Variants in NIBAN3 observed in about 807,000 individuals in gnomAD.
NIBAN3 encodes the protein protein Niban 3.
NIBAN3 carries 66 observed loss-of-function variants against 76.4 expected under a neutral mutation model. The observed-to-expected ratio is 0.86, with a 90% CI of 0.71 to 1.06. The LOEUF (loss-of-function observed/expected upper bound fraction) is 1.06, where lower values mean the gene tolerates loss of function less well. Ranked by LOEUF, NIBAN3 falls within the 50% of genes least tolerant of loss-of-function variation. NIBAN3 has a pLI of 0.00. For synonymous variants in NIBAN3, 360 were observed against 355.2 expected (o/e 1.01, Z -0.15); for missense variants, 808 against 810.7 (o/e 1.00, Z 0.04).
At chr19:17,533,001 C>T (rs551341659) in intron 3 of NIBAN3, among the ~76,000 whole-genome samples, 17 of 152,144 alleles carry the variant, frequency 1.1e-4, no homozygotes, top group African/African-American at 3.6e-4. Flanking sequence ...AGCCGGGCCT[C>T]GTGGCTCACG....
At chr19:17,536,274 T>C (rs1304995247) in intron 4 of NIBAN3, among the ~76,000 whole-genome samples, 1 of 152,148 alleles carries the variant, frequency 6.6e-6, no homozygotes, top group African/African-American at 2.4e-5. Flanking sequence ...CACTGCAACC[T>C]CCGCCTCCCA....
chr19:17,527,095 T>G, upstream of NIBAN3: 1 of 902,660 alleles, frequency 1.1e-6, no homozygotes. Context: ...ATGATTTTCT[T>G]TCTCCCACAC....
chr19:17,543,428 C>A lies in NIBAN3; in HGVS notation c.1441C>A (p.Leu481Met). ...QRLERVRGRV[L>M]KKFKSDSGLA... ...GCTGGAGAGAGTCAGGGGGCGCGTG[C>A]TGAAGGTGTGTTCTGTGGGTACGGG... The change falls in exon 11 of 15, where the codon CTG becomes ATG. Residue 481 changes from leucine to methionine, a missense_variant. Coordinates refer to ENST00000599164, the MANE Select transcript of NIBAN3 (RefSeq NM_001321827.2). 1.2e-6 allele frequency: 2 copies of A among 1,613,488 alleles called. No homozygotes were observed. The highest frequency in any genetic ancestry group is 1.7e-6 in the Non-Finnish European group (2 of 1,179,490).
chr19:17,553,204 T>C lies in NIBAN3; in HGVS notation c.*1306T>C. 1 of 1,483,180 alleles carries C rather than the reference T, an allele frequency of 6.7e-7. No individual in the cohort carries two copies. The highest frequency in any genetic ancestry group is 9.0e-7 in the Non-Finnish European group (1 of 1,112,044). The allele number at this position is 1,483,180 out of a possible 1,614,324, so 91.9% of individuals were successfully genotyped here. A position where few individuals can be genotyped will look rare whatever the true frequency, so the allele number is the denominator to read the frequency against. On this transcript the variant is annotated 3_prime_UTR_variant, in exon 15 of 15. Transcript: ENST00000599164. ...GGAGTGTTTGCATTTTTCTTATTGA[T>C]ATCTAATAACTCTTTATATCTGAAG... is the stretch of plus-strand genomic sequence containing the variant.
chr19:17,543,369 C>T lies in NIBAN3; in HGVS notation c.1382C>T (p.Thr461Met), dbSNP rs139360897. The T allele has an allele frequency of 1.1e-5, 17 of 1,597,610 alleles. No homozygotes were observed. Among genetic ancestry groups the T allele is most frequent in the East Asian group, 4.5e-5 (2 of 44,586 alleles). ...CTGCAGCTGGCTGACCAGTGTCTGACGACGGCCCTCAACTGTGACCAGGCT... is the reference window on the plus strand; with the variant it reads ...CTGCAGCTGGCTGACCAGTGTCTGATGACGGCCCTCAACTGTGACCAGGCT... ...TFLQLADQCL[T>M]TALNCDQAAQ... Residue 461 changes from threonine (T) to methionine (M), a missense_variant, in exon 11 of 15, where the codon ACG becomes ATG. Coordinates refer to ENST00000599164, the MANE Select transcript of NIBAN3 (RefSeq NM_001321827.2).
At chr19:17,528,805 T>C (rs997710638) in intron 1 of NIBAN3, among the ~76,000 whole-genome samples, 1 of 151,962 alleles carries the variant, frequency 6.6e-6, no homozygotes, top group Non-Finnish European at 1.5e-5. Flanking sequence ...GCTCCAGCCA[T>C]TGGGTCTACA....
chr19:17,540,407 C>G lies in NIBAN3; in HGVS notation c.995C>G (p.Pro332Arg). Residue 332 changes from proline (P) to arginine (R), a missense_variant, in exon 9 of 15, where the codon CCG (proline) becomes CGG (arginine). Physicochemically the swap from Pro to Arg is moderately radical, Grantham distance 103. Coordinates refer to ENST00000599164, the MANE Select transcript of NIBAN3 (RefSeq NM_001321827.2). ...AGRLRTDIRGPLESCLRREVD... is the reference protein window; with the variant it reads ...AGRLRTDIRGRLESCLRREVD... ...CCACTCCCAGCGGATATCAGGGGACCGCTCGAGTCGTGCCTGCGCCGGGAG... is the reference window on the plus strand; with the variant it reads ...CCACTCCCAGCGGATATCAGGGGACGGCTCGAGTCGTGCCTGCGCCGGGAG... The G allele has an allele frequency of 6.7e-7, 1 of 1,503,472 alleles. No homozygotes were observed. The highest frequency in any genetic ancestry group is 8.9e-7 in the Non-Finnish European group (1 of 1,122,738). The allele number at this position is 1,503,472 out of a possible 1,614,324, so 93.1% of individuals were successfully genotyped here.
intron 4 of NIBAN3, 116 bp from the exon 5 acceptor site, chr19:17,537,260 G>C (rs1252831913): frequency 3.8e-6 from 4 of 1,048,606 alleles, no homozygotes; most frequent in Non-Finnish European, 5.7e-6. Context: ...AAGTATCGTG[G>C]TATGACTCAT....
rs200100942 is a variant in NIBAN3 at position 17,543,425 on chromosome 19, G to T, written c.1438G>T (p.Val480Leu). The change falls in exon 11 of 15, where the codon GTG (valine) becomes TTG (leucine). Residue 480 changes from valine (V) to leucine (L), a missense_variant. Transcript: ENST00000599164. ...AQRLERVRGR[V>L]LKKFKSDSGL... ...GAGGCTGGAGAGAGTCAGGGGGCGC[G>T]TGCTGAAGGTGTGTTCTGTGGGTAC... 1 of 1,613,480 alleles carries T rather than the reference G, an allele frequency of 6.2e-7. No homozygotes were observed. The highest frequency in any genetic ancestry group is 1.7e-5 in the Admixed American group (1 of 59,970).
At chr19:17,537,605 CTCTG>C in intron 5 of NIBAN3, 62 bp downstream of exon 5, 1 of 1,466,534 alleles carries the variant, frequency 6.8e-7, no homozygotes, top group Middle Eastern at 2.6e-4. Context: ...ATGGCTCAGC[CTCTG>C]TTGGCTCGGG....
At chr19:17,544,276 A>C (rs983123580) in intron 12 of NIBAN3, among the ~76,000 whole-genome samples, 1 of 152,346 alleles carries the variant, frequency 6.6e-6, no homozygotes, top group African/African-American at 2.4e-5. Context: ...AGCCTGGGCA[A>C]CAGAGCAAGG....
chr19:17,551,825 CCAGGCAGCCAGA>C lies in NIBAN3; in HGVS notation c.1792_1803del (p.Arg598_Asp601del), dbSNP rs2076161918. The C allele has an allele frequency of 1.3e-6, 1 of 780,094 alleles. No individual in the cohort carries two copies. The highest frequency in any genetic ancestry group is 1.7e-5 in the Admixed American group (1 of 58,986). The allele number at this position is 780,094 out of a possible 1,614,324, so 48.3% of individuals were successfully genotyped here. A position where few individuals can be genotyped will look rare whatever the true frequency, so the allele number is the denominator to read the frequency against. On this transcript the variant is annotated inframe_deletion, in exon 15 of 15. Coordinates refer to ENST00000599164, the MANE Select transcript of NIBAN3 (RefSeq NM_001321827.2). ...GCTGAGCGGGAAGGAGGGGCTTGTC[CCAGGCAGCCAGA>C]CTCTGGTGCCCAGATCCAGCCACTC...
At chr19:17,539,798 G>A in intron 8 of NIBAN3, 33 bp downstream of exon 8, 1 of 1,472,104 alleles carries the variant, frequency 6.8e-7, no homozygotes, top group Non-Finnish European at 9.1e-7. Context: ...GGGCTGGGAG[G>A]GGCGAGGCGA....
intron 14 of NIBAN3, 199 bp downstream of exon 14, chr19:17,549,726 G>T: frequency 1.6e-6 from 1 of 642,336 alleles, no homozygotes; most frequent in South Asian, 1.7e-5. Context: ...CTGAGCCACA[G>T]AGGGACCCTC....
intron 4 of NIBAN3, 47 bp downstream of exon 4, chr19:17,533,748 C>A: frequency 7.3e-7 from 1 of 1,367,054 alleles, no homozygotes; most frequent in Non-Finnish European, 1.0e-6. Flanking sequence ...ACCCCAGCAT[C>A]ATTAACATGT....
At chr19:17,531,386 G>A (rs1197829729) in intron 2 of NIBAN3, among the ~76,000 whole-genome samples, 1 of 150,168 alleles carries the variant, frequency 6.7e-6, no homozygotes, top group Non-Finnish European at 1.5e-5. Flanking sequence ...CATTCACTGA[G>A]CATGTAATTC....
chr19:17,546,805 C>T lies in NIBAN3; in HGVS notation c.1666+8C>T. The T allele has an allele frequency of 1.3e-6, 2 of 1,585,390 alleles. No individual in the cohort carries two copies. On this transcript the variant is annotated splice_region_variant and intron_variant, in intron 13 of 14. Coordinates refer to ENST00000599164, the MANE Select transcript of NIBAN3 (RefSeq NM_001321827.2). ...TGCAGAGGATTGACCAAGGTGAGTCCCGCCCTGCCATGGCTCAGAGGAGCC... is the reference window on the plus strand; with the variant it reads ...TGCAGAGGATTGACCAAGGTGAGTCTCGCCCTGCCATGGCTCAGAGGAGCC...
At chr19:17,551,346 C>T (rs975674155) in intron 14 of NIBAN3, among the ~76,000 whole-genome samples, 2 of 151,732 alleles carry the variant, frequency 1.3e-5, no homozygotes, top group African/African-American at 2.4e-5. Flanking sequence ...CCACCTGCCT[C>T]GGCCTCCCAA....
chr19:17,551,853 C>G lies in NIBAN3; in HGVS notation c.1818C>G (p.Ile606Met). 1 of 780,340 alleles carries G rather than the reference C, an allele frequency of 1.3e-6. No homozygotes were observed. Among genetic ancestry groups the G allele is most frequent in the Admixed American group, 1.7e-5 (1 of 59,014 alleles). The allele number at this position is 780,340 out of a possible 1,614,324, so 48.3% of individuals were successfully genotyped here. The change falls in exon 15 of 15, where the codon ATC (isoleucine) becomes ATG (methionine). Residue 606 changes from isoleucine (I) to methionine (M), a missense_variant. By Grantham distance (10) the Ile-to-Met change is conservative. Transcript: ENST00000599164. ...GGCAGCCAGACTCTGGTGCCCAGAT[C>G]CAGCCACTCTGCCCACCGCCTTCTC... ...CPRQPDSGAQ[I>M]QPLCPPPSPG...
Sources: allele counts gnomAD v4.1 joint callset (sites outside exome capture counted in the v4.1 genomes callset), GRCh38; gene constraint gnomAD v4.1.1; transcripts MANE v1.5; gene names NCBI Gene and HGNC (gene_info 2026-07-23, HGNC 2026-07-21).